VWF: variants seen among roughly 807,000 people sequenced by gnomAD.
VWF encodes Factor VIII related antigen.
In VWF, 176 loss-of-function variants were observed where a neutral mutation model predicts 308.6. The ratio of observed to expected loss-of-function variants is 0.57; its 90% CI spans 0.50 to 0.65. The LOEUF is 0.65. Ranked by LOEUF, VWF falls within the 30% of genes least tolerant of loss-of-function variation. The pLI, the probability that VWF is intolerant of heterozygous loss-of-function variation, is 0.00. For synonymous variants in VWF, 1,385 were observed against 1,443.4 expected (o/e 0.96, Z 0.92); for missense variants, 3,146 against 3,648.2 (o/e 0.86, Z 3.55).
intron 34 of VWF, among the ~76,000 whole-genome samples, chr12:5,997,569 T>C (rs987020036): frequency 2.0e-5 from 3 of 152,198 alleles, no homozygotes; most frequent in African/African-American, 7.2e-5. Flanking sequence ...AATAGGCCTA[T>C]AATCGATACC....
chr12:6,014,870 C>T (rs139725877), intron 31 of VWF, among the ~76,000 whole-genome samples: 13 of 152,296 alleles, frequency 8.5e-5, no homozygotes, highest in African/African-American at 1.4e-4. Context: ...AGGCTTTGGA[C>T]GGTTAAATGA....
chr12:6,000,010 G>A (rs1943852946), intron 34 of VWF, among the ~76,000 whole-genome samples: 1 of 151,562 alleles, frequency 6.6e-6, no homozygotes, highest in Admixed American at 6.6e-5. Context: ...AATGAAGAAA[G>A]TATAAAGGTC....
intron 19 of VWF, 97 bp from the exon 20 acceptor site, chr12:6,034,923 G>A (rs958453437): frequency 1.3e-6 from 2 of 1,488,586 alleles, no homozygotes; most frequent in Admixed American, 1.8e-5. Context: ...GAATACTCTG[G>A]GTGCCTCCCA....
intron 40 of VWF, 127 bp from the exon 41 acceptor site, chr12:5,983,381 G>C (rs1303672052): frequency 1.3e-6 from 1 of 783,056 alleles, no homozygotes; most frequent in Non-Finnish European, 2.1e-6. Flanking sequence ...TGATGATGGA[G>C]ACAGAGATTA....
chr12:5,954,471 T>G (rs906172211), intron 47 of VWF, among the ~76,000 whole-genome samples: 25 of 152,196 alleles, frequency 1.6e-4, no homozygotes, highest in African/African-American at 5.8e-4. Flanking sequence ...TGGACAAGAT[T>G]CATGTTTAAA....
In VWF at chr12:6,110,432, G is replaced by C; in HGVS notation, c.474C>G (p.Thr158=). The stretch of plus-strand genomic sequence containing the variant: ...TGTTAAAGTTGCCACACAGCCCGCA[G>C]GTCTTGTTGAAGTATCTGTCTGACA... ...VLLSDRYFNK[T]CGLCGNFNIF... Residue 158 remains threonine, a synonymous_variant, in exon 5 of 52, where the codon ACC becomes ACG. Transcript: ENST00000261405. The C allele has an allele frequency of 5.0e-6, 8 of 1,614,164 alleles. No homozygotes were observed. The highest frequency in any genetic ancestry group is 6.8e-6 in the Non-Finnish European group (8 of 1,180,030).
At chr12:5,979,503 G>A (rs1363104252) in intron 42 of VWF, among the ~76,000 whole-genome samples, 3 of 152,354 alleles carry the variant, frequency 2.0e-5, no homozygotes, top group Admixed American at 6.5e-5. Flanking sequence ...TGTAATCCCA[G>A]CACTTTGGGA....
At chr12:6,083,424 G>A (rs1944936122) in intron 6 of VWF, among the ~76,000 whole-genome samples, 1 of 152,162 alleles carries the variant, frequency 6.6e-6, no homozygotes, top group Admixed American at 6.5e-5. Context: ...AATTAGCCAG[G>A]CGTGGTGGCA....
At chr12:5,991,775 A>C in intron 38 of VWF, 44 bp downstream of exon 38, 1 of 1,604,494 alleles carries the variant, frequency 6.2e-7, no homozygotes, top group South Asian at 1.1e-5. Context: ...TTTTGACCCA[A>C]GAGGGAAGCA....
At chr12:6,006,986 A>G (rs1049677004) in intron 34 of VWF, among the ~76,000 whole-genome samples, 4 of 152,206 alleles carry the variant, frequency 2.6e-5, no homozygotes, top group Admixed American at 2.6e-4. Flanking sequence ...TGGTCACAAG[A>G]GACAAAAAAA....
chr12:6,124,221 A>T (rs978404212), intron 1 of VWF, among the ~76,000 whole-genome samples, 200 bp downstream of exon 1: 1 of 152,196 alleles, frequency 6.6e-6, no homozygotes, highest in Non-Finnish European at 1.5e-5. Flanking sequence ...AACCCACTGC[A>T]TGAAGAAAAG....
rs774541336 is a variant in VWF, at chr12:5,976,113, A to C, written c.7435T>G (p.Ser2479Ala). 3 of 1,613,642 alleles carry C rather than the reference A, an allele frequency of 1.9e-6. No homozygotes were observed. The highest frequency in any genetic ancestry group is 2.5e-6 in the Non-Finnish European group (3 of 1,180,022). Residue 2479 changes from serine (S) to alanine (A), a missense_variant and splice_region_variant, in exon 43 of 52, where the codon TCG becomes GCG. By Grantham distance (99) the Ser-to-Ala change is moderately conservative. Transcript: ENST00000261405. ...TGCCCAGCCCCTGCCCCACTCACCG[A>C]CCGACAGCTGTCCTCACAGGGCTTC... ...SQKPCEDSCR[S>A]GFTYVLHEGE...
rs899457410 is a variant in VWF, at chr12:6,058,926, G to C, written c.1534-882C>G. Among the ~76,000 whole-genome samples, 1 of 152,154 alleles carries C rather than the reference G, an allele frequency of 6.6e-6. No individual in the cohort carries two copies. The highest frequency in any genetic ancestry group is 2.4e-5 in the African/African-American group (1 of 41,418). ...AGGACCCCGATTTGAAGGTGGAGCG[G>C]GGGCTGGGACCCAGGAGTCCTGACT... On this transcript the variant is annotated intron_variant, in intron 13 of 51. Coordinates refer to ENST00000261405, the MANE Select transcript of VWF (RefSeq NM_000552.5). This position sits in a 1 kb window ranked among gnomAD's most constrained non-coding sequence, Gnocchi z 4.9.
chr12:6,072,446 G>A lies in VWF; in HGVS notation c.998-4C>T, dbSNP rs1944792138. On this transcript the variant is annotated splice_polypyrimidine_tract_variant and splice_region_variant and intron_variant, in intron 8 of 51. Transcript: ENST00000261405. ...CCTTCATCCAGGAGCTGTCCCTCTG[G>A]GGTCAAGGGCATCAAGACAAAGGCC... 6.2e-7 allele frequency: 1 copy of A among 1,613,130 alleles called. No individual in the cohort carries two copies. The highest frequency in any genetic ancestry group is 8.5e-7 in the Non-Finnish European group (1 of 1,179,306).
At chr12:6,113,340 C>T (rs1945331515) in intron 3 of VWF, among the ~76,000 whole-genome samples, 1 of 151,336 alleles carries the variant, frequency 6.6e-6, no homozygotes, top group African/African-American at 2.4e-5. Flanking sequence ...CTCTGTCGCC[C>T]AGGCTGGAGT....
intron 3 of VWF, among the ~76,000 whole-genome samples, chr12:6,113,191 AAC>A (rs1359239839): frequency 2.0e-5 from 3 of 152,184 alleles, no homozygotes; most frequent in Non-Finnish European, 4.4e-5. Context: ...TCCCACCTAG[AAC>A]AGTTTTTACA....
chr12:6,036,146 A>C (rs1374427140), intron 19 of VWF, among the ~76,000 whole-genome samples: 3 of 152,240 alleles, frequency 2.0e-5, no homozygotes, highest in African/African-American at 7.2e-5. Context: ...TGTGGTCCCA[A>C]GCATTTCGGA....
chr12:5,954,702 T>G (rs919686682), intron 47 of VWF, among the ~76,000 whole-genome samples: 2 of 152,176 alleles, frequency 1.3e-5, no homozygotes, highest in African/African-American at 4.8e-5. Context: ...TAATTATACA[T>G]CTATAGGAGA....
chr12:6,077,426 C>A (rs546536481), intron 6 of VWF, among the ~76,000 whole-genome samples: 241 of 152,324 alleles, frequency 1.6e-3, no homozygotes, highest in Non-Finnish European at 2.7e-3. Flanking sequence ...AGCTGCTCTG[C>A]GTCTCGGGGC....
Sources: gnomAD v4.1 joint callset for allele counts (sites outside exome capture counted in the v4.1 genomes callset) on GRCh38, gnomAD v4.1.1 for gene constraint, Gnocchi (gnomAD v3.1) non-coding constraint, MANE v1.5 for transcripts, NCBI Gene and HGNC (gene_info 2026-07-23, HGNC 2026-07-21) for gene names.